The following FER1L6 variants were observed in gnomAD, a reference collection of about 807,000 sequenced individuals.
FER1L6 encodes the protein fer-1 like family member 6, also known as fer-1-like protein 6.
In FER1L6, 177 loss-of-function variants were observed where a neutral mutation model predicts 219.2. That is an observed-to-expected ratio of 0.81 (90% confidence interval 0.71 to 0.91). The LOEUF (loss-of-function observed/expected upper bound fraction) is 0.91, where lower values mean the gene tolerates loss of function less well. Ranked by LOEUF, FER1L6 falls within the 40% of genes least tolerant of loss-of-function variation. The pLI is 0.00. For missense variants in FER1L6, 2,153 were observed against 2,259.9 expected, an observed-to-expected ratio of 0.95 and a Z score of 0.96; for synonymous variants, 768 against 824.3, an observed-to-expected ratio of 0.93 and a Z score of 1.17.
intron 1 of FER1L6, among the ~76,000 whole-genome samples, chr8:123,859,655 C>G (rs989832906): frequency 1.4e-5 from 2 of 141,990 alleles, no homozygotes; most frequent in African/African-American, 5.3e-5. Context: ...CACCCACTAA[C>G]TCGTCATCTA....
intron 1 of FER1L6, among the ~76,000 whole-genome samples, chr8:123,948,871 A>T (rs1814623865): frequency 6.6e-6 from 1 of 152,076 alleles, no homozygotes; most frequent in Non-Finnish European, 1.5e-5. Flanking sequence ...GACTTTTGTA[A>T]ATATTGTTTG....
At chr8:124,066,098 C>G (rs1035589329) in intron 26 of FER1L6, among the ~76,000 whole-genome samples, 2 of 152,214 alleles carry the variant, frequency 1.3e-5, no homozygotes, top group African/African-American at 4.8e-5. Context: ...TATTGCATTG[C>G]ATCATGTAGT....
chr8:124,086,753 T>C (rs1280090639), intron 33 of FER1L6, among the ~76,000 whole-genome samples: 2 of 152,222 alleles, frequency 1.3e-5, no homozygotes. Flanking sequence ...AAACTTCTTT[T>C]AGCATTTCTT....
Position 124,095,039 on chromosome 8 carries a change from G to A in FER1L6, c.4695+1G>A, listed in dbSNP as rs186357626. ...CAAGGATAAGCCAGGAATGGAGCAGGTAGTGGGCAAGACTATTCTGGCCCT... is the reference window on the plus strand; with the variant it reads ...CAAGGATAAGCCAGGAATGGAGCAGATAGTGGGCAAGACTATTCTGGCCCT... On this transcript the variant is annotated splice_donor_variant, in intron 35 of 40. Transcript: ENST00000522917. LOFTEE classifies it high-confidence loss of function. 1.5e-5 allele frequency: 25 copies of A among 1,614,064 alleles called. No individual in the cohort carries two copies. In the Admixed American group the frequency reaches 4.2e-4, roughly 27 times the overall value.
chr8:124,006,965 TTATC>T (rs1158087467), intron 13 of FER1L6, among the ~76,000 whole-genome samples: 2 of 152,170 alleles, frequency 1.3e-5, no homozygotes, highest in Non-Finnish European at 2.9e-5. Flanking sequence ...GGGTGGGAAT[TTATC>T]TATCTGCAGG....
chr8:123,886,319 C>T (rs1229823932), intron 1 of FER1L6, among the ~76,000 whole-genome samples: 2 of 152,020 alleles, frequency 1.3e-5, no homozygotes, highest in African/African-American at 4.8e-5. Context: ...GGAGTAGATC[C>T]CTTATGAGCC....
At position 123,975,907 on chromosome 8, in the gene FER1L6, G is replaced by A; in HGVS notation, c.693G>A (p.Leu231=). The A allele has an allele frequency of 6.3e-7, 1 of 1,580,344 alleles. No homozygotes were observed. Among genetic ancestry groups the A allele is most frequent in the Non-Finnish European group, 8.6e-7 (1 of 1,161,240 alleles). Residue 231 remains leucine, a synonymous_variant, in exon 9 of 41, where the codon TTG becomes TTA. Transcript: ENST00000522917. ...DTEEPIEKNL[L]IPNGFPLERP... ...TTTGTCTCCCTCTAAGGAACCTTTT[G>A]ATCCCCAATGGGTTTCCACTGGAGA... is the stretch of plus-strand genomic sequence containing the variant.
intron 1 of FER1L6, among the ~76,000 whole-genome samples, chr8:123,898,643 T>TTATA (rs140414036): frequency 9.6e-4 from 137 of 142,034 alleles, no homozygotes; most frequent in Middle Eastern, 3.6e-3. Context: ...GTATTCCATT[T>TTATA]TATATATATA....
chr8:123,910,063 G>A (rs1813025452), intron 1 of FER1L6, among the ~76,000 whole-genome samples: 2 of 152,200 alleles, frequency 1.3e-5, no homozygotes, highest in African/African-American at 4.8e-5. Flanking sequence ...GGCACCTGCT[G>A]TGGCTTACAG....
In FER1L6 at chr8:124,035,468, T is replaced by G; in HGVS notation, c.2464+14T>G. The G allele has an allele frequency of 6.2e-7, 1 of 1,603,460 alleles. No individual in the cohort carries two copies. The highest frequency in any genetic ancestry group is 8.5e-7 in the Non-Finnish European group (1 of 1,175,242). Reference sequence around the variant, plus strand: ...TGCTCTACCAAGGTAGGGTCCCCACTGGGCAAAGAGGGTCATTCGAGGTCT... The same window carrying G: ...TGCTCTACCAAGGTAGGGTCCCCACGGGGCAAAGAGGGTCATTCGAGGTCT... On this transcript the variant is annotated intron_variant, in intron 19 of 40. Coordinates refer to ENST00000522917, the MANE Select transcript of FER1L6 (RefSeq NM_001039112.2).
intron 1 of FER1L6, among the ~76,000 whole-genome samples, chr8:123,893,147 T>A (rs1263175091): frequency 1.3e-5 from 2 of 152,184 alleles, no homozygotes; most frequent in African/African-American, 4.8e-5. Context: ...AAATTGTAGT[T>A]TTGCTTTGAT....
At chr8:124,003,772 C>T (rs1477642906) in intron 13 of FER1L6, among the ~76,000 whole-genome samples, 1 of 151,810 alleles carries the variant, frequency 6.6e-6, no homozygotes, top group Non-Finnish European at 1.5e-5. Flanking sequence ...CGGCCAGAAA[C>T]ATAATTTTTT....
chr8:123,880,813 A>C (rs997940351), intron 1 of FER1L6, among the ~76,000 whole-genome samples: 27 of 152,334 alleles, frequency 1.8e-4, no homozygotes, highest in Non-Finnish European at 1.5e-5. Flanking sequence ...CTATCATTTA[A>C]ATAGAGAACC....
chr8:123,969,736 T>G (rs537615134), intron 5 of FER1L6, among the ~76,000 whole-genome samples: 2 of 151,970 alleles, frequency 1.3e-5, no homozygotes, highest in South Asian at 4.2e-4. Flanking sequence ...TGTGGTGGTA[T>G]AGGCCTGTAG....
At chr8:123,993,258 C>T (rs960758101) in intron 12 of FER1L6, among the ~76,000 whole-genome samples, 6 of 151,484 alleles carry the variant, frequency 4.0e-5, no homozygotes, top group South Asian at 4.2e-4. Context: ...CCGGCTAAAA[C>T]GGTGAAACCC....
intron 12 of FER1L6, among the ~76,000 whole-genome samples, chr8:123,992,393 G>T (rs1421185399): frequency 6.6e-6 from 1 of 151,960 alleles, no homozygotes; most frequent in African/African-American, 2.4e-5. Flanking sequence ...CTTGTTATTG[G>T]TCTCTTCAGG....
chr8:123,962,324 G>T (rs976582199), intron 2 of FER1L6, among the ~76,000 whole-genome samples: 1 of 152,106 alleles, frequency 6.6e-6, no homozygotes, highest in African/African-American at 2.4e-5. Context: ...GCAGTAAATC[G>T]TTTATTGCTT....
chr8:124,045,966 CTTTAT>C, intron 21 of FER1L6, 65 bp downstream of exon 21: 2 of 1,583,558 alleles, frequency 1.3e-6, no homozygotes, highest in Non-Finnish European at 8.6e-7. Flanking sequence ...AACTCACTCA[CTTTAT>C]TTTAAAGTAA....
rs890671960 is a variant in FER1L6 at position 124,075,895 on chromosome 8, T to C, written c.4093-303T>C. Among the ~76,000 whole-genome samples the C allele has an allele frequency of 3.3e-5, 5 of 152,224 alleles. 1 individual carries two copies. The highest frequency in any genetic ancestry group is 2.0e-4 in the Admixed American group (3 of 15,290). Reference sequence around the variant, plus strand: ...CCTCCTGGTCCGGCATTTTTCTCATTTTTCTGTGCCAAGAGCTTCTTTCCA... The same window carrying C: ...CCTCCTGGTCCGGCATTTTTCTCATCTTTCTGTGCCAAGAGCTTCTTTCCA... On this transcript the variant is annotated intron_variant, in intron 31 of 40. Transcript: ENST00000522917.
Sources: gnomAD v4.1 joint callset for allele counts (sites outside exome capture counted in the v4.1 genomes callset) on GRCh38, gnomAD v4.1.1 for gene constraint, MANE v1.5 for transcripts, NCBI Gene and HGNC (gene_info 2026-07-23, HGNC 2026-07-21) for gene names.